The following SLC2A13 variants were observed in gnomAD, a reference collection of about 807,000 sequenced individuals.
SLC2A13 encodes solute carrier family 2 member 13.
Under a neutral mutation model 64.4 loss-of-function variants are expected in SLC2A13, and 32 were observed. That is an observed-to-expected ratio of 0.50 (90% confidence interval 0.37 to 0.67). SLC2A13 has a LOEUF of 0.67. Among genes scored for constraint, SLC2A13 ranks in the 30% least tolerant of loss-of-function variants. SLC2A13 has a pLI of 0.00. For missense variants in SLC2A13, 743 were observed against 829.2 expected, an observed-to-expected ratio of 0.90 and a Z score of 1.28; for synonymous variants, 338 against 327.1, an observed-to-expected ratio of 1.03 and a Z score of -0.36.
intron 7 of SLC2A13, among the ~76,000 whole-genome samples, chr12:39,799,018 T>C (rs4238078): frequency 0.95 from 143,342 of 150,906 alleles, 68,174 homozygotes; most frequent in East Asian, 0.99. Flanking sequence ...CTTCTCCCCA[T>C]TATCCCCACT....
At chr12:39,849,641 G>A (rs955222686) in intron 6 of SLC2A13, among the ~76,000 whole-genome samples, 1 of 152,110 alleles carries the variant, frequency 6.6e-6, no homozygotes, top group African/African-American at 2.4e-5. Context: ...TACAATTTCT[G>A]TTGCTCCAAT....
chr12:39,924,845 G>A (rs946736110), intron 4 of SLC2A13, among the ~76,000 whole-genome samples: 7 of 151,234 alleles, frequency 4.6e-5, no homozygotes, highest in Non-Finnish European at 8.8e-5. Context: ...CCCCCACCCC[G>A]CCAAAATAAA....
At chr12:39,795,417 CTT>C (rs1941542648) in intron 7 of SLC2A13, among the ~76,000 whole-genome samples, 2 of 152,138 alleles carry the variant, frequency 1.3e-5, no homozygotes, top group Middle Eastern at 3.4e-3. Context: ...CCAAAATTCT[CTT>C]TTATTTTTTA....
intron 5 of SLC2A13, among the ~76,000 whole-genome samples, chr12:39,868,868 G>A (rs1943972417): frequency 6.6e-6 from 1 of 152,104 alleles, no homozygotes; most frequent in African/African-American, 2.4e-5. Context: ...GTACTTCTTT[G>A]TATAAAGAGT....
At chr12:39,893,447 G>A (rs370058722) in intron 4 of SLC2A13, among the ~76,000 whole-genome samples, 6 of 152,096 alleles carry the variant, frequency 3.9e-5, no homozygotes, top group South Asian at 2.1e-4. Flanking sequence ...CTACAGGTGC[G>A]TGCCACCACA....
intron 2 of SLC2A13, 51 bp from the exon 3 acceptor site, chr12:40,028,560 T>C (rs1483635764): frequency 1.3e-6 from 2 of 1,565,682 alleles, no homozygotes; most frequent in East Asian, 2.2e-5. Flanking sequence ...CTTACCATCA[T>C]GTGCTCACCA....
intron 7 of SLC2A13, among the ~76,000 whole-genome samples, chr12:39,822,541 C>T (rs923290017): frequency 6.6e-6 from 1 of 152,202 alleles, no homozygotes; most frequent in Non-Finnish European, 1.5e-5. Context: ...CCAAGCTCCC[C>T]AGACTTCATC....
At position 40,023,447 on chromosome 12, in the gene SLC2A13, C is replaced by T. The variant is rs570251227; in HGVS notation, c.925+4854G>A. On this transcript the variant is annotated intron_variant, in intron 3 of 9. Transcript: ENST00000280871. ...CATCTCCTCTCAGGGTACACTTGTT[C>T]GCTGGTACAGGATAAGAAACTAAAG... Among the ~76,000 whole-genome samples the T allele has an allele frequency of 9.2e-5, 14 of 152,254 alleles. No homozygotes were observed. In the South Asian group the frequency reaches 2.3e-3, roughly 25 times the overall value.
intron 2 of SLC2A13, among the ~76,000 whole-genome samples, chr12:40,034,046 A>G (rs1947942036): frequency 6.6e-6 from 1 of 152,216 alleles, no homozygotes; most frequent in Non-Finnish European, 1.5e-5. Context: ...CCAATGCCTT[A>G]CACTGGAAGA....
chr12:40,034,149 A>T (rs957565730), intron 2 of SLC2A13, among the ~76,000 whole-genome samples: 1 of 152,202 alleles, frequency 6.6e-6, no homozygotes, highest in Admixed American at 6.5e-5. Context: ...TGTATTTTTT[A>T]AAAACATGCA....
intron 3 of SLC2A13, among the ~76,000 whole-genome samples, chr12:39,972,147 T>C (rs1946674149): frequency 1.2e-5 from 1 of 83,366 alleles, no homozygotes. Flanking sequence ...TGATAAAATA[T>C]ACTCTTTCAG....
chr12:39,955,678 C>T (rs970997074), intron 3 of SLC2A13, among the ~76,000 whole-genome samples: 3 of 152,074 alleles, frequency 2.0e-5, no homozygotes, highest in Non-Finnish European at 2.9e-5. Flanking sequence ...ATTTTGCGAT[C>T]GGAAGACAAT....
At chr12:40,083,370 T>C (rs575258837) in intron 1 of SLC2A13, among the ~76,000 whole-genome samples, 1 of 152,266 alleles carries the variant, frequency 6.6e-6, no homozygotes, top group East Asian at 1.9e-4. Flanking sequence ...CCTTACACTG[T>C]TTTTCAGTTC....
At chr12:40,053,030 C>A (rs1486085838) in intron 1 of SLC2A13, among the ~76,000 whole-genome samples, 1 of 152,060 alleles carries the variant, frequency 6.6e-6, no homozygotes, top group South Asian at 2.1e-4. Context: ...TGCCTATAAT[C>A]CCAGCACTTT....
chr12:39,816,416 C>T (rs1238982453), intron 7 of SLC2A13, among the ~76,000 whole-genome samples: 1 of 125,616 alleles, frequency 8.0e-6, no homozygotes, highest in Non-Finnish European at 1.6e-5. Context: ...AACATCACAC[C>T]CCGGGGCCTG....
At chr12:39,958,027 T>A (rs1946346778) in intron 3 of SLC2A13, among the ~76,000 whole-genome samples, 1 of 152,190 alleles carries the variant, frequency 6.6e-6, no homozygotes. Context: ...GCCACTCAGG[T>A]ACATACAAAA....
At chr12:39,978,415 G>A (rs923529723) in intron 3 of SLC2A13, among the ~76,000 whole-genome samples, 6 of 152,234 alleles carry the variant, frequency 3.9e-5, no homozygotes, top group Admixed American at 3.3e-4. Context: ...GAGGTACCGA[G>A]TTCATCACAC....
intron 7 of SLC2A13, among the ~76,000 whole-genome samples, chr12:39,804,820 G>A (rs1270044798): frequency 2.0e-5 from 3 of 152,150 alleles, no homozygotes; most frequent in Non-Finnish European, 2.9e-5. Flanking sequence ...TATAGATGGA[G>A]AATTATATAC....
At chr12:40,075,755 C>T (rs79188620) in intron 1 of SLC2A13, among the ~76,000 whole-genome samples, 80 of 152,168 alleles carry the variant, frequency 5.3e-4, no homozygotes, top group African/African-American at 1.8e-3. Flanking sequence ...AAATATTGTC[C>T]TACAAGTCCT....
Sources: allele counts gnomAD v4.1 joint callset (sites outside exome capture counted in the v4.1 genomes callset), GRCh38; gene constraint gnomAD v4.1.1; transcripts MANE v1.5; gene names NCBI Gene and HGNC (gene_info 2026-07-23, HGNC 2026-07-21).